The following RNF144A variants were observed in gnomAD, a reference collection of about 807,000 sequenced individuals.
The protein encoded by RNF144A is E3 ubiquitin-protein ligase RNF144A.
RNF144A carries 11 observed loss-of-function variants against 38.7 expected under a neutral mutation model. That is an observed-to-expected ratio of 0.28 (90% CI 0.18 to 0.47). The LOEUF is 0.47. Among genes scored for constraint, RNF144A ranks in the 20% least tolerant of loss-of-function variants. The pLI is 0.99. For synonymous variants in RNF144A, 149 were observed against 143.9 expected (o/e 1.04, Z -0.25); for missense variants, 316 against 377.2 (o/e 0.84, Z 1.34).
intron 1 of RNF144A, among the ~76,000 whole-genome samples, chr2:6,935,637 G>T (rs11683539): frequency 0.069 from 5,577 of 80,420 alleles, 129 homozygotes; most frequent in South Asian, 0.11. Flanking sequence ...GCATGTAAAT[G>T]GGATGGCCTC....
At chr2:6,942,549 C>T (rs148772517) in intron 2 of RNF144A, among the ~76,000 whole-genome samples, 2 of 152,328 alleles carry the variant, frequency 1.3e-5, no homozygotes, top group Admixed American at 1.3e-4. Context: ...GAGCCCTTAC[C>T]ATGTCCTTCC....
intron 6 of RNF144A, among the ~76,000 whole-genome samples, chr2:7,051,678 C>A (rs1250953022): frequency 6.6e-6 from 1 of 152,196 alleles, no homozygotes; most frequent in Non-Finnish European, 1.5e-5. Flanking sequence ...GACCTGAGAT[C>A]AGGAGTTTGA....
intron 2 of RNF144A, among the ~76,000 whole-genome samples, chr2:6,956,761 T>A (rs1667027095): frequency 6.6e-6 from 1 of 152,190 alleles, no homozygotes; most frequent in Non-Finnish European, 1.5e-5. Flanking sequence ...GCTTGGTGGT[T>A]TATAGTCCAC....
chr2:6,992,384 G>A (rs541882814), intron 2 of RNF144A, among the ~76,000 whole-genome samples: 1 of 152,312 alleles, frequency 6.6e-6, no homozygotes, highest in South Asian at 2.1e-4. Context: ...AAGCCTGGTG[G>A]ACCACACACA....
intron 7 of RNF144A, among the ~76,000 whole-genome samples, chr2:7,027,784 G>A (rs1672009899): frequency 1.3e-5 from 2 of 152,242 alleles, no homozygotes; most frequent in Non-Finnish European, 2.9e-5. Context: ...TCCTGGGATT[G>A]TTATGCCTCA....
Position 7,003,135 on chromosome 2 carries a change from G to A in RNF144A, c.135+6074G>A, listed in dbSNP as rs1572379635. On this transcript the variant is annotated intron_variant, in intron 3 of 8. Coordinates refer to ENST00000320892, the MANE Select transcript of RNF144A (RefSeq NM_014746.6). ...TATATATATTTGTACAGCTGTGTTC[G>A]TATTTTAGGCTAAATGTTATGAGAA... 2.0e-5 allele frequency among the ~76,000 whole-genome samples: 3 copies of A among 152,152 alleles called. No individual in the cohort carries two copies. In the South Asian group the frequency reaches 6.2e-4, roughly 32 times the overall value.
Position 7,040,423 on chromosome 2 carries a change from C to T in RNF144A, c.*663C>T, listed in dbSNP as rs116420569. ...AAACTTGCTGTAGTAACTTTTTGAA[C>T]GCTGTAAGCTGTGTACTGTTATAAG... On this transcript the variant is annotated 3_prime_UTR_variant, in exon 9 of 9. Coordinates refer to ENST00000320892, the MANE Select transcript of RNF144A (RefSeq NM_014746.6). 8.6e-4 allele frequency: 848 copies of T among 985,412 alleles called. 11 individuals carry two copies. The African/African-American group carries it at 0.013, about 15-fold the overall frequency. 61.0% of individuals were successfully genotyped at this position (985,412 alleles called of 1,614,324 possible). A position where few individuals can be genotyped will look rare whatever the true frequency, so the allele number is the denominator to read the frequency against.
chr2:6,933,475 T>C (rs183817118), intron 1 of RNF144A, among the ~76,000 whole-genome samples: 19 of 152,358 alleles, frequency 1.2e-4, no homozygotes, highest in Non-Finnish European at 2.5e-4. Flanking sequence ...CAATATGTTA[T>C]ACTTATGAGA....
chr2:6,939,533 T>G (rs1470032065), intron 1 of RNF144A, among the ~76,000 whole-genome samples: 3 of 152,260 alleles, frequency 2.0e-5, no homozygotes, highest in African/African-American at 7.2e-5. Flanking sequence ...GTTGTCTTTT[T>G]ACTCTCTTGA....
At chr2:6,983,989 T>C (rs532090674) in intron 2 of RNF144A, among the ~76,000 whole-genome samples, 1 of 152,232 alleles carries the variant, frequency 6.6e-6, no homozygotes, top group Non-Finnish European at 1.5e-5. Flanking sequence ...CTATTTGTCA[T>C]TGGGCCATGT....
intron 6 of RNF144A, among the ~76,000 whole-genome samples, chr2:7,051,273 G>A (rs1673513930): frequency 6.6e-6 from 1 of 152,164 alleles, no homozygotes; most frequent in East Asian, 1.9e-4. Context: ...CCCCAAGAGA[G>A]CTTGGCAAAC....
At chr2:6,935,739 T>G (rs557604006) in intron 1 of RNF144A, among the ~76,000 whole-genome samples, 2 of 151,806 alleles carry the variant, frequency 1.3e-5, no homozygotes, top group South Asian at 4.2e-4. Flanking sequence ...TGGCTTCCAG[T>G]GTTAATGGTA....
chr2:7,052,925 T>G (rs1233743710), intron 6 of RNF144A, among the ~76,000 whole-genome samples: 1 of 152,216 alleles, frequency 6.6e-6, no homozygotes, highest in African/African-American at 2.4e-5. Flanking sequence ...TTACAATATT[T>G]ATTTCATCAT....
chr2:6,951,722 A>G (rs61138937), intron 2 of RNF144A, among the ~76,000 whole-genome samples: 9,258 of 152,256 alleles, frequency 0.061, 548 homozygotes, highest in East Asian at 0.28. Flanking sequence ...ACCCTTGGAA[A>G]TGGAATCTTT....
rs141085564 is a variant in RNF144A, at chr2:6,994,217, C to T, written c.-11-2699C>T. Among the ~76,000 whole-genome samples, 551 of 152,254 alleles carry T rather than the reference C, an allele frequency of 3.6e-3. 1 individual carries two copies. Among genetic ancestry groups the T allele is most frequent in the Non-Finnish European group, 6.1e-3 (414 of 68,020 alleles). On this transcript the variant is annotated intron_variant, in intron 2 of 8. Coordinates refer to ENST00000320892, the MANE Select transcript of RNF144A (RefSeq NM_014746.6). ...AACAAGCTCTCCCCAGATCTCCAGG[C>T]CAGAGCAGCCAATTGCCAGCTACTG...
chr2:6,986,275 G>T (rs1668958920), intron 2 of RNF144A, among the ~76,000 whole-genome samples: 1 of 151,802 alleles, frequency 6.6e-6, no homozygotes, highest in Non-Finnish European at 1.5e-5. Flanking sequence ...AGCTTTCGGA[G>T]GCCCATTTCC....
intron 6 of RNF144A, among the ~76,000 whole-genome samples, chr2:7,050,552 T>C (rs1673479522): frequency 6.6e-6 from 1 of 152,158 alleles, no homozygotes; most frequent in African/African-American, 2.4e-5. Flanking sequence ...GCTCCCAGCC[T>C]CCTCCCTTCT....
intron 2 of RNF144A, among the ~76,000 whole-genome samples, chr2:6,994,088 T>C (rs1447024076): frequency 6.6e-6 from 1 of 152,140 alleles, no homozygotes. Context: ...AAAAAGGAAT[T>C]TGAAGCCAGG....
intron 2 of RNF144A, among the ~76,000 whole-genome samples, chr2:6,968,698 T>C (rs1475980138): frequency 1.3e-5 from 2 of 151,990 alleles, no homozygotes; most frequent in East Asian, 1.9e-4. Flanking sequence ...AATGTGTTTT[T>C]TTTTTTACAA....
Sources: gnomAD v4.1 joint callset for allele counts (sites outside exome capture counted in the v4.1 genomes callset) on GRCh38, gnomAD v4.1.1 for gene constraint, MANE v1.5 for transcripts, NCBI Gene and HGNC (gene_info 2026-07-23, HGNC 2026-07-21) for gene names.